C6orf89: variants seen among roughly 807,000 people sequenced by gnomAD.
C6orf89 encodes chromosome 6 open reading frame 89, also known as bombesin receptor-activated protein C6orf89.
Under a neutral mutation model 40.7 loss-of-function variants are expected in C6orf89, and 29 were observed. That is an observed-to-expected ratio of 0.71 (90% CI 0.53 to 0.97). The LOEUF (loss-of-function observed/expected upper bound fraction) is 0.97, where lower values mean the gene tolerates loss of function less well. Among genes scored for constraint, C6orf89 ranks in the 50% least tolerant of loss-of-function variants. C6orf89 has a pLI of 0.00. For synonymous variants in C6orf89, 165 were observed against 152.2 expected (o/e 1.08, Z -0.62); for missense variants, 392 against 429.1 (o/e 0.91, Z 0.76).
intron 2 of C6orf89, among the ~76,000 whole-genome samples, chr6:36,897,243 A>G (rs542315673): frequency 6.6e-6 from 1 of 152,200 alleles, no homozygotes; most frequent in Non-Finnish European, 1.5e-5. Context: ...TAAAAATTAT[A>G]TAGCTGTCCC....
chr6:36,914,307 G>T lies in C6orf89; in HGVS notation c.427G>T (p.Asp143Tyr). 1 of 1,613,750 alleles carries T rather than the reference G, an allele frequency of 6.2e-7. No homozygotes were observed. The highest frequency in any genetic ancestry group is 1.1e-5 in the South Asian group (1 of 91,000). ...FPDFDPWWTN[D>Y]CEQNESEPIP... ...AGACTTTGACCCCTGGTGGACAAACGACTGTGAGCAGAATGAGTCAGAGCC... is the reference window on the plus strand; with the variant it reads ...AGACTTTGACCCCTGGTGGACAAACTACTGTGAGCAGAATGAGTCAGAGCC... The change falls in exon 5 of 9, where the codon GAC (aspartate) becomes TAC (tyrosine). Residue 143 changes from aspartate to tyrosine, a missense_variant. Asp to Tyr is a radical substitution (Grantham distance 160). Transcript: ENST00000480824.
chr6:36,916,500 C>T lies in C6orf89; in HGVS notation c.751C>T (p.His251Tyr). The T allele has an allele frequency of 6.2e-7, 1 of 1,614,216 alleles. No individual in the cohort carries two copies. The highest frequency in any genetic ancestry group is 8.5e-7 in the Non-Finnish European group (1 of 1,180,044). ...ACGTGAGCTTTTTCCTGTTTTCACT[C>T]ACCTGCCATTTCCAAAAGATGCCTC... ...MLRELFPVFT[H>Y]LPFPKDASLN... The change falls in exon 7 of 9, where the codon CAC becomes TAC. Residue 251 changes from histidine (H) to tyrosine (Y), a missense_variant. Physicochemically the swap from His to Tyr is moderately conservative, Grantham distance 83. Coordinates refer to ENST00000480824, the MANE Select transcript of C6orf89 (RefSeq NM_001286635.2).
intron 4 of C6orf89, among the ~76,000 whole-genome samples, chr6:36,910,077 G>A (rs369417641): frequency 6.6e-6 from 1 of 151,910 alleles, no homozygotes; most frequent in East Asian, 1.9e-4. Flanking sequence ...TTTTTATACA[G>A]GTGAGAACTC....
In C6orf89 at chr6:36,910,895, T is replaced by G. The variant is rs374039784; in HGVS notation, c.404-3389T>G. On this transcript the variant is annotated intron_variant, in intron 4 of 8. Coordinates refer to ENST00000480824, the MANE Select transcript of C6orf89 (RefSeq NM_001286635.2). ...ATTATTTTCCATTTCAGTTTTTAACTGATTGTGGCCAGTAGAGTAAGAAAG... is the reference window on the plus strand; with the variant it reads ...ATTATTTTCCATTTCAGTTTTTAACGGATTGTGGCCAGTAGAGTAAGAAAG... Among the ~76,000 whole-genome samples the G allele has an allele frequency of 2.6e-5, 4 of 152,334 alleles. No individual in the cohort carries two copies. In the East Asian group the frequency reaches 5.8e-4, roughly 22 times the overall value.
At chr6:36,920,180 A>G (rs1418557681) in intron 8 of C6orf89, among the ~76,000 whole-genome samples, 3 of 152,206 alleles carry the variant, frequency 2.0e-5, no homozygotes, top group African/African-American at 4.8e-5. Flanking sequence ...TATAAGGGCA[A>G]TGGTCACACA....
intron 4 of C6orf89, among the ~76,000 whole-genome samples, chr6:36,913,189 CAA>C (rs1490783600): frequency 6.6e-6 from 1 of 152,204 alleles, no homozygotes; most frequent in East Asian, 1.9e-4. Flanking sequence ...TGTGCAGAAA[CAA>C]GAGCCCCTCA....
In C6orf89 at chr6:36,899,465, G is replaced by C. The variant is rs1350499805; in HGVS notation, c.21G>C (p.Glu7Asp). The part of the protein sequence containing the change: MDLAAN[E>D]ISIYDKLSET... Reference sequence around the variant, plus strand: ...AAGACATGGATCTTGCTGCCAACGAGATCAGCATTTATGACAAACTTTCAG... The same window carrying C: ...AAGACATGGATCTTGCTGCCAACGACATCAGCATTTATGACAAACTTTCAG... Residue 7 changes from glutamate (E) to aspartate (D), a missense_variant, in exon 3 of 9, where the codon GAG (glutamate) becomes GAC (aspartate). Coordinates refer to ENST00000480824, the MANE Select transcript of C6orf89 (RefSeq NM_001286635.2). 6.2e-7 allele frequency: 1 copy of C among 1,614,108 alleles called. No homozygotes were observed. The highest frequency in any genetic ancestry group is 8.5e-7 in the Non-Finnish European group (1 of 1,180,016).
At chr6:36,889,586 A>C (rs968600121) in intron 1 of C6orf89, among the ~76,000 whole-genome samples, 17 of 152,166 alleles carry the variant, frequency 1.1e-4, no homozygotes, top group African/African-American at 3.9e-4. Flanking sequence ...CAAAAACAAA[A>C]AAAAAAAGAA....
rs938960769 is a variant in C6orf89 at position 36,928,873 on chromosome 6, A to G, written c.*5432A>G. 1 of 152,234 alleles carries G rather than the reference A, an allele frequency of 6.6e-6. No homozygotes were observed. The highest frequency in any genetic ancestry group is 2.4e-5 in the African/African-American group (1 of 41,442). 9.4% of individuals were successfully genotyped at this position (152,234 alleles called of 1,614,324 possible). A position where few individuals can be genotyped will look rare whatever the true frequency, so the allele number is the denominator to read the frequency against. On this transcript the variant is annotated 3_prime_UTR_variant, in exon 9 of 9. Transcript: ENST00000480824. ...AGTGCAGGATACTACAAACTGGTAA[A>G]GACTTCCACCATGTGAAGAATGTAT... is the stretch of plus-strand genomic sequence containing the variant.
At chr6:36,893,214 G>T (rs949066947) in intron 1 of C6orf89, among the ~76,000 whole-genome samples, 4 of 148,910 alleles carry the variant, frequency 2.7e-5, no homozygotes, top group African/African-American at 9.9e-5. Flanking sequence ...GATTACAGGC[G>T]TGAGCCACCG....
At chr6:36,916,682 G>GTCCCCTCAATTCACCCTGT in intron 7 of C6orf89, 108 bp downstream of exon 7, 4 of 1,324,450 alleles carry the variant, frequency 3.0e-6, no homozygotes, top group South Asian at 1.3e-5. Flanking sequence ...GTTACAGGGT[G>GTCCCCTCAATTCACCCTGT]AATTGAGGGG....
rs866672148 is a variant in C6orf89 at position 36,874,835 on chromosome 6, A to T, written c.-628+2868A>T. The T allele has an allele frequency of 4.9e-5, 77 of 1,567,244 alleles. No individual in the cohort carries two copies. The Middle Eastern group carries it at 2.8e-3, about 57-fold the overall frequency. On this transcript the variant is annotated intron_variant, in intron 1 of 9. Transcript: ENST00000359359. ...TACTTCCGGCGTCGATTAGCTGGGGACCCGTCGCTGCTGCACACTTCCGGT... is the reference window on the plus strand; with the variant it reads ...TACTTCCGGCGTCGATTAGCTGGGGTCCCGTCGCTGCTGCACACTTCCGGT...
At chr6:36,872,644 G>T (rs540941557) in intron 1 of C6orf89, among the ~76,000 whole-genome samples, 63 of 151,722 alleles carry the variant, frequency 4.2e-4, no homozygotes, top group Non-Finnish European at 4.3e-4. Context: ...GGTCTCCTCT[G>T]TCACCCAGGT....
intron 1 of C6orf89, chr6:36,874,954 A>G: frequency 1.6e-6 from 1 of 640,104 alleles, no homozygotes; most frequent in Non-Finnish European, 2.7e-6. Context: ...GTGGGAGACG[A>G]GAAGAAGCTG....
chr6:36,923,538 T>A lies in C6orf89; in HGVS notation c.*97T>A. ...AACGATGAAACTGCTTTCTGGGGGTTGGTTACTTAGTTACCTGCCCTTTGC... is the reference window on the plus strand; with the variant it reads ...AACGATGAAACTGCTTTCTGGGGGTAGGTTACTTAGTTACCTGCCCTTTGC... On this transcript the variant is annotated 3_prime_UTR_variant, in exon 9 of 9. Transcript: ENST00000480824. The A allele has an allele frequency of 1.0e-6, 1 of 968,022 alleles. No individual in the cohort carries two copies. Among genetic ancestry groups the A allele is most frequent in the Non-Finnish European group, 1.6e-6 (1 of 614,300 alleles). 60.0% of individuals were successfully genotyped at this position (968,022 alleles called of 1,614,324 possible). A position where few individuals can be genotyped will look rare whatever the true frequency, so the allele number is the denominator to read the frequency against.
chr6:36,912,751 A>G (rs868566233), intron 4 of C6orf89, among the ~76,000 whole-genome samples: 7 of 152,296 alleles, frequency 4.6e-5, no homozygotes, highest in East Asian at 1.9e-4. Flanking sequence ...CACAGATACT[A>G]TCTTCAAGAG....
intron 1 of C6orf89, among the ~76,000 whole-genome samples, chr6:36,887,124 T>C (rs1291272962): frequency 6.6e-6 from 1 of 151,988 alleles, no homozygotes; most frequent in East Asian, 1.9e-4. Context: ...TTTTTGTTTT[T>C]TTTTTTTTGA....
rs1297260844 is a variant in C6orf89, at chr6:36,924,770, A to C, written c.*1329A>C. On this transcript the variant is annotated 3_prime_UTR_variant, in exon 9 of 9. Coordinates refer to ENST00000480824, the MANE Select transcript of C6orf89 (RefSeq NM_001286635.2). ...ACTTTGGCCTCTGGTTCTGAATTGC[A>C]GAAATCAAAGGATGCAGTAGGTGTC... 1.3e-5 allele frequency: 2 copies of C among 152,230 alleles called. No individual in the cohort carries two copies. Among genetic ancestry groups the C allele is most frequent in the Admixed American group, 1.3e-4 (2 of 15,288 alleles). 9.4% of individuals were successfully genotyped at this position (152,230 alleles called of 1,614,324 possible).
chr6:36,902,127 A>G, intron 3 of C6orf89, 94 bp from the exon 4 acceptor site: 2 of 1,004,508 alleles, frequency 2.0e-6, no homozygotes, highest in Non-Finnish European at 3.1e-6. Flanking sequence ...GGCACATTGG[A>G]AGTAGCAGAA....
Sources: gnomAD v4.1 joint callset for allele counts (sites outside exome capture counted in the v4.1 genomes callset) on GRCh38, gnomAD v4.1.1 for gene constraint, MANE v1.5 for transcripts, NCBI Gene and HGNC (gene_info 2026-07-23, HGNC 2026-07-21) for gene names.